PACSIN1: variants seen among roughly 807,000 people sequenced by gnomAD.
PACSIN1 encodes the protein protein kinase C and casein kinase substrate in neurons protein 1.
In PACSIN1, 15 loss-of-function variants were observed where a neutral mutation model predicts 59.5. That is an observed-to-expected ratio of 0.25 (90% CI 0.17 to 0.39). PACSIN1 has a LOEUF of 0.39. Ranked by LOEUF, PACSIN1 falls within the 10% of genes least tolerant of loss-of-function variation. The pLI is 1.00. For synonymous variants in PACSIN1, 210 were observed against 220.6 expected (o/e 0.95, Z 0.42); for missense variants, 420 against 580.2 (o/e 0.72, Z 2.84).
rs529318645 is a variant in PACSIN1, at chr6:34,475,304, A to AT, written c.-64+9036dup. 1.7e-4 allele frequency among the ~76,000 whole-genome samples: 22 copies of AT among 131,546 alleles called. No individual in the cohort carries two copies. In the South Asian group the frequency reaches 6.2e-3, roughly 37 times the overall value. The allele number at this position is 131,546 out of a possible 152,430, so 86.3% of individuals were successfully genotyped here. A position where few individuals can be genotyped will look rare whatever the true frequency, so the allele number is the denominator to read the frequency against. ...TCCTCTACTTTCAATGTTTCCTAAA[A>AT]TTAAAAAAAAAATTAAAAAAACACA... On this transcript the variant is annotated intron_variant, in intron 1 of 9. Coordinates refer to ENST00000244458, the MANE Select transcript of PACSIN1 (RefSeq NM_020804.5).
chr6:34,478,383 T>C (rs1342165412), intron 1 of PACSIN1, among the ~76,000 whole-genome samples: 8 of 134,058 alleles, frequency 6.0e-5, no homozygotes, highest in Admixed American at 5.3e-4. Flanking sequence ...TTTTTTTTTT[T>C]TTTTTTTGAG....
intron 1 of PACSIN1, among the ~76,000 whole-genome samples, chr6:34,508,230 A>G (rs1234110499): frequency 6.6e-6 from 1 of 151,980 alleles, no homozygotes; most frequent in East Asian, 1.9e-4. Context: ...CAGCCTCCCA[A>G]TTAGCTGGGA....
In PACSIN1 at chr6:34,533,752, G is replaced by A. The variant is rs913014; in HGVS notation, c.*1222G>A. ...ACATGTTTTTCTTCCTTGTCCCCACGGCCCCCAGAACAACATTCTCCCTGC... is the reference window on the plus strand; with the variant it reads ...ACATGTTTTTCTTCCTTGTCCCCACAGCCCCCAGAACAACATTCTCCCTGC... On this transcript the variant is annotated 3_prime_UTR_variant, in exon 10 of 10. Coordinates refer to ENST00000244458, the MANE Select transcript of PACSIN1 (RefSeq NM_020804.5). The A allele has an allele frequency of 0.7, 107,062 of 152,304 alleles. 41,307 individuals carry two copies. The highest frequency in any genetic ancestry group is 0.92 in the South Asian group (4,427 of 4,832). 9.4% of individuals were successfully genotyped at this position (152,304 alleles called of 1,614,324 possible).
chr6:34,516,623 G>A lies in PACSIN1; in HGVS notation c.-63-9620G>A, dbSNP rs1441926459. Among the ~76,000 whole-genome samples the A allele has an allele frequency of 6.6e-6, 1 of 152,094 alleles. No individual in the cohort carries two copies. Among genetic ancestry groups the A allele is most frequent in the African/African-American group, 2.4e-5 (1 of 41,406 alleles). On this transcript the variant is annotated intron_variant, in intron 1 of 9. Transcript: ENST00000244458. The surrounding 1 kb of genome is among the most constrained non-coding windows in gnomAD (Gnocchi z 5.4). ...GCAGGTTCTTTGGGTGAGAGCTGAA[G>A]GAACGTCTGTCCACTCAGCAGGCCC...
chr6:34,481,374 C>CA (rs1480328403), intron 1 of PACSIN1, among the ~76,000 whole-genome samples: 3 of 152,158 alleles, frequency 2.0e-5, no homozygotes, highest in Admixed American at 2.0e-4. Context: ...CATACGTTCA[C>CA]ACGGGTTTTT....
chr6:34,510,702 C>T (rs925083164), intron 1 of PACSIN1, among the ~76,000 whole-genome samples: 2 of 152,204 alleles, frequency 1.3e-5, no homozygotes, highest in Non-Finnish European at 2.9e-5. Flanking sequence ...CTCTCTGTCT[C>T]TTTAACCCAC....
intron 1 of PACSIN1, among the ~76,000 whole-genome samples, chr6:34,507,989 T>G (rs1413157290): frequency 6.6e-6 from 1 of 152,266 alleles, no homozygotes; most frequent in Non-Finnish European, 1.5e-5. Flanking sequence ...TTGGTAACTG[T>G]GAATAATGCT....
chr6:34,496,132 C>T (rs1262977117), intron 1 of PACSIN1, among the ~76,000 whole-genome samples: 1 of 152,196 alleles, frequency 6.6e-6, no homozygotes, highest in African/African-American at 2.4e-5. Flanking sequence ...TAAAGGCAGC[C>T]TATGGTGGGG....
Position 34,531,855 on chromosome 6 carries a change from G to A in PACSIN1, c.1225+68G>A, listed in dbSNP as rs1767602163. On this transcript the variant is annotated intron_variant, in intron 9 of 9. Coordinates refer to ENST00000244458, the MANE Select transcript of PACSIN1 (RefSeq NM_020804.5). The surrounding 1 kb of genome is among the most constrained non-coding windows in gnomAD (Gnocchi z 4.4). ...CTGGATTGGGTGTGTGGTGGTGCAG[G>A]GGCGGTGCCTGAGAGAGAAGCTTGG... 3 of 1,432,726 alleles carry A rather than the reference G, an allele frequency of 2.1e-6. No individual in the cohort carries two copies. The highest frequency in any genetic ancestry group is 2.8e-6 in the Non-Finnish European group (3 of 1,062,536). The allele number at this position is 1,432,726 out of a possible 1,614,324, so 88.8% of individuals were successfully genotyped here.
intron 1 of PACSIN1, among the ~76,000 whole-genome samples, chr6:34,513,622 T>C (rs2127265245): frequency 6.6e-6 from 1 of 152,172 alleles, no homozygotes; most frequent in South Asian, 2.1e-4. Context: ...TACTGTGCCC[T>C]GTCATAACTC....
At chr6:34,497,093 C>G (rs182087614) in intron 1 of PACSIN1, among the ~76,000 whole-genome samples, 22 of 151,770 alleles carry the variant, frequency 1.4e-4, no homozygotes, top group African/African-American at 5.3e-4. Context: ...GGAATACAGG[C>G]GCCCACCACC....
intron 1 of PACSIN1, among the ~76,000 whole-genome samples, chr6:34,496,808 G>T (rs1766953578): frequency 6.6e-6 from 1 of 152,036 alleles, no homozygotes; most frequent in South Asian, 2.1e-4. Flanking sequence ...AGGCTTTGGA[G>T]CTGGATACAA....
chr6:34,519,189 A>C (rs1226449765), intron 1 of PACSIN1, among the ~76,000 whole-genome samples: 2 of 152,084 alleles, frequency 1.3e-5, no homozygotes, highest in African/African-American at 2.4e-5. Flanking sequence ...TGGGCCACCA[A>C]GGGGTGCCTT....
intron 1 of PACSIN1, among the ~76,000 whole-genome samples, chr6:34,496,395 G>C (rs1027559124): frequency 2.0e-5 from 3 of 152,180 alleles, no homozygotes; most frequent in Non-Finnish European, 4.4e-5. Context: ...GAGGGGGGTG[G>C]GGGCTGAGGT....
At chr6:34,510,099 C>T (rs773565745) in intron 1 of PACSIN1, among the ~76,000 whole-genome samples, 2 of 152,260 alleles carry the variant, frequency 1.3e-5, no homozygotes, top group Non-Finnish European at 2.9e-5. Context: ...TGCAGCCCCT[C>T]TGTGGGTGGG....
At chr6:34,477,218 T>C (rs1463629657) in intron 1 of PACSIN1, among the ~76,000 whole-genome samples, 3 of 152,052 alleles carry the variant, frequency 2.0e-5, no homozygotes, top group Non-Finnish European at 4.4e-5. Flanking sequence ...AGGCCGGGCA[T>C]GGTTGCTCAT....
rs1767252918 is a variant in PACSIN1, at chr6:34,514,429, C to A, written c.-63-11814C>A. 6.6e-6 allele frequency among the ~76,000 whole-genome samples: 1 copy of A among 152,102 alleles called. No individual in the cohort carries two copies. The highest frequency in any genetic ancestry group is 6.5e-5 in the Admixed American group (1 of 15,272). On this transcript the variant is annotated intron_variant, in intron 1 of 9. Coordinates refer to ENST00000244458, the MANE Select transcript of PACSIN1 (RefSeq NM_020804.5). The surrounding 1 kb of genome is among the most constrained non-coding windows in gnomAD (Gnocchi z 4.4). ...CACTCAGCCTGGCCTAGAAAAAACTCAAAATTTTGAATTTTCATCAAATGA... is the reference window on the plus strand; with the variant it reads ...CACTCAGCCTGGCCTAGAAAAAACTAAAAATTTTGAATTTTCATCAAATGA...
intron 1 of PACSIN1, among the ~76,000 whole-genome samples, chr6:34,511,211 A>C (rs533662090): frequency 1.6e-4 from 25 of 152,160 alleles, no homozygotes. Context: ...TTAGTCAGAC[A>C]CCTCAGTATT....
At position 34,529,256 on chromosome 6, in the gene PACSIN1, G is replaced by A; in HGVS notation, c.457-141G>A. 1.2e-6 allele frequency: 1 copy of A among 867,768 alleles called. No homozygotes were observed. The highest frequency in any genetic ancestry group is 1.8e-6 in the Non-Finnish European group (1 of 565,374). 53.8% of individuals were successfully genotyped at this position (867,768 alleles called of 1,614,324 possible). On this transcript the variant is annotated intron_variant, in intron 4 of 9. Transcript: ENST00000244458. This position sits in a 1 kb window ranked among gnomAD's most constrained non-coding sequence, Gnocchi z 6.3. The stretch of plus-strand genomic sequence containing the variant: ...GGAGCGCTGCTCCCGAACACCTGGA[G>A]CCAGGGCCTGCATCCCTTCTGGCTC...
Sources: allele counts gnomAD v4.1 joint callset (sites outside exome capture counted in the v4.1 genomes callset), GRCh38; gene constraint gnomAD v4.1.1; non-coding constraint Gnocchi (gnomAD v3.1); transcripts MANE v1.5; gene names NCBI Gene and HGNC (gene_info 2026-07-23, HGNC 2026-07-21).